The following SLC28A1 variants were observed in gnomAD, a reference collection of about 807,000 sequenced individuals.
The protein encoded by SLC28A1 is solute carrier family 28 member 1, also known as sodium/nucleoside cotransporter 1.
A neutral mutation model predicts 74.8 loss-of-function variants in SLC28A1; 64 were observed. The ratio of observed to expected loss-of-function variants is 0.86; its 90% confidence interval spans 0.70 to 1.05. The LOEUF is 1.05. SLC28A1 is among the 50% of genes least tolerant of loss of function. SLC28A1 has a pLI of 0.00. For missense variants in SLC28A1, 828 were observed against 822.8 expected (o/e 1.01, Z -0.08); for synonymous variants, 359 against 335.0 (o/e 1.07, Z -0.78).
chr15:84,974,372 C>A, the SLC28A1 span, among the ~76,000 whole-genome samples: 1 of 152,204 alleles, frequency 6.6e-6, no homozygotes, highest in Non-Finnish European at 1.5e-5. Flanking sequence ...ACATTCTGGG[C>A]TTTGGTGTCA....
intron 9 of SLC28A1, among the ~76,000 whole-genome samples, chr15:84,910,881 C>T (rs1017921295): frequency 1.3e-5 from 2 of 152,134 alleles, no homozygotes; most frequent in Admixed American, 1.3e-4. Context: ...AGGGAGACTC[C>T]TTGAGGAGGC....
Position 84,890,113 on chromosome 15 carries a change from G to C in SLC28A1, c.186-330G>C, listed in dbSNP as rs186081287. Among the ~76,000 whole-genome samples, 65 of 126,002 alleles carry C rather than the reference G, an allele frequency of 5.2e-4. 1 individual carries two copies. The East Asian group carries it at 0.014, about 27-fold the overall frequency. 82.7% of individuals were successfully genotyped at this position (126,002 alleles called of 152,430 possible). On this transcript the variant is annotated intron_variant, in intron 4 of 18. Transcript: ENST00000394573. ...GCCTCCCAAAGTGCTGGGATTACTG[G>C]TGTGAGCCACCGCGCCCCCCCACCG...
intron 14 of SLC28A1, 61 bp from the exon 15 acceptor site, chr15:84,935,260 C>T (rs1971746720): frequency 1.2e-6 from 2 of 1,612,148 alleles, no homozygotes; most frequent in Admixed American, 3.3e-5. Flanking sequence ...TGAGTGGTGG[C>T]TGGAGACCTA....
chr15:84,916,033 G>A (rs540057938), intron 9 of SLC28A1, among the ~76,000 whole-genome samples: 1 of 151,584 alleles, frequency 6.6e-6, no homozygotes, highest in Admixed American at 6.6e-5. Flanking sequence ...GATGATCTCG[G>A]CTCACTGCAA....
At chr15:84,928,050 C>T (rs4980343) in intron 12 of SLC28A1, among the ~76,000 whole-genome samples, 64,209 of 152,086 alleles carry the variant, frequency 0.42, 14,432 homozygotes, top group Middle Eastern at 0.6. Flanking sequence ...GAAGAATGCT[C>T]GCCCATTTCC....
the SLC28A1 span, among the ~76,000 whole-genome samples, chr15:84,953,200 C>T: frequency 2.0e-5 from 3 of 152,096 alleles, no homozygotes; most frequent in African/African-American, 7.2e-5. Flanking sequence ...GAGTGTGGCC[C>T]GATGCTGCAG....
At chr15:84,916,206 C>G (rs1326989470) in intron 9 of SLC28A1, among the ~76,000 whole-genome samples, 2 of 129,150 alleles carry the variant, frequency 1.5e-5, no homozygotes, top group Non-Finnish European at 3.2e-5. Context: ...CTCAAATGAT[C>G]CACCTGCCTC....
rs1353939069 is a variant in SLC28A1 at position 84,905,556 on chromosome 15, G to A, written c.621G>A (p.Val207=). The change falls in exon 8 of 19, where the codon GTG becomes GTA. Residue 207 remains valine (V), a synonymous_variant. Transcript: ENST00000394573. ...KHHCAVSWRA[V]SWGLGLQFVL... The stretch of plus-strand genomic sequence containing the variant: ...GGTGGTAGGTGTCCTGGAGGGCCGT[G>A]TCTTGGGGACTTGGACTGCAGTTTG... The A allele has an allele frequency of 1.2e-6, 2 of 1,613,662 alleles. No homozygotes were observed. Among genetic ancestry groups the A allele is most frequent in the East Asian group, 2.2e-5 (1 of 44,882 alleles).
chr15:84,914,357 G>A (rs563715994), intron 9 of SLC28A1, among the ~76,000 whole-genome samples: 1 of 152,286 alleles, frequency 6.6e-6, no homozygotes, highest in South Asian at 2.1e-4. Flanking sequence ...TTCAATATAT[G>A]AATTTAGGGG....
intron 9 of SLC28A1, among the ~76,000 whole-genome samples, chr15:84,917,289 C>T (rs1969247955): frequency 6.6e-6 from 1 of 152,248 alleles, no homozygotes; most frequent in African/African-American, 2.4e-5. Context: ...CATTCCAACA[C>T]AAAAGGGTAT....
intron 12 of SLC28A1, 31 bp from the exon 13 acceptor site, chr15:84,933,114 C>T: frequency 8.1e-6 from 13 of 1,611,104 alleles, no homozygotes; most frequent in South Asian, 1.1e-5. Flanking sequence ...TTCTGACTGT[C>T]CACCTAGAAC....
At chr15:84,886,372 T>C (rs1347434796) in intron 1 of SLC28A1, 1 of 981,112 alleles carries the variant, frequency 1.0e-6, no homozygotes, top group African/African-American at 1.8e-5. Context: ...AAGGAGGCCA[T>C]GGGAAGGAAG....
At chr15:84,917,031 A>C (rs1969207124) in intron 9 of SLC28A1, among the ~76,000 whole-genome samples, 1 of 137,698 alleles carries the variant, frequency 7.3e-6, no homozygotes, top group Non-Finnish European at 1.6e-5. Flanking sequence ...CTGTCTCAAA[A>C]AAAAAAAAAT....
At chr15:84,925,875 C>T (rs1481366234) in intron 12 of SLC28A1, among the ~76,000 whole-genome samples, 2 of 151,684 alleles carry the variant, frequency 1.3e-5, no homozygotes, top group South Asian at 2.1e-4. Flanking sequence ...GGAATTAAGA[C>T]GATAATAACT....
At chr15:84,885,663 G>A (rs143656353) in intron 1 of SLC28A1, among the ~76,000 whole-genome samples, 4,951 of 149,936 alleles carry the variant, frequency 0.033, 112 homozygotes, top group Middle Eastern at 0.048. Context: ...CTTGGGAGGC[G>A]GAGGTTGCAG....
the SLC28A1 span, among the ~76,000 whole-genome samples, chr15:84,954,204 G>A: frequency 1.8e-3 from 275 of 152,274 alleles, 2 homozygotes; most frequent in Admixed American, 5.6e-3. Context: ...ATGGGATAGG[G>A]TGATCAGTGT....
chr15:84,937,301 T>C (rs1972051306), intron 15 of SLC28A1, among the ~76,000 whole-genome samples: 1 of 152,166 alleles, frequency 6.6e-6, no homozygotes, highest in Non-Finnish European at 1.5e-5. Context: ...TCTTCCTTCC[T>C]CTCAGATCAT....
intron 15 of SLC28A1, chr15:84,938,616 A>G (rs2142030743): frequency 6.6e-6 from 1 of 152,246 alleles, no homozygotes; most frequent in South Asian, 2.1e-4. Context: ...TGGGGATAAA[A>G]AGGAGAATTA....
intron 10 of SLC28A1, among the ~76,000 whole-genome samples, chr15:84,919,272 A>T (rs1456383194): frequency 6.6e-6 from 1 of 152,238 alleles, no homozygotes; most frequent in Admixed American, 6.5e-5. Context: ...GATGTAGGAG[A>T]TAGCATTGGA....
Sources: allele counts gnomAD v4.1 joint callset (sites outside exome capture counted in the v4.1 genomes callset), GRCh38; gene constraint gnomAD v4.1.1; transcripts MANE v1.5; gene names NCBI Gene and HGNC (gene_info 2026-07-23, HGNC 2026-07-21).